Variants in TSC2 observed in about 807,000 individuals in gnomAD.
TSC2 encodes tuberin.
Under a neutral mutation model 202.2 loss-of-function variants are expected in TSC2, and 29 were observed. That is an observed-to-expected ratio of 0.14 (90% CI 0.11 to 0.20). TSC2 has a LOEUF of 0.20. TSC2 is among the 10% of genes least tolerant of loss of function. The pLI is 1.00. For synonymous variants in TSC2, 1,349 were observed against 1,044.0 expected, an observed-to-expected ratio of 1.29 and a Z score of -5.63; for missense variants, 2,429 against 2,420.0, an observed-to-expected ratio of 1.00 and a Z score of -0.08.
Position 2,070,444 on chromosome 16 carries a change from C to T in TSC2, c.1717-12C>T. The T allele has an allele frequency of 3.1e-6, 5 of 1,613,296 alleles. No homozygotes were observed. Among genetic ancestry groups the T allele is most frequent in the Middle Eastern group, 1.6e-4 (1 of 6,062 alleles). On this transcript the variant is annotated splice_polypyrimidine_tract_variant and intron_variant, in intron 16 of 41. Coordinates refer to ENST00000219476, the MANE Select transcript of TSC2 (RefSeq NM_000548.5). ...CTCCTGCGCCGTGGTGAGCTGCGTC[C>T]TCTCTCTGCAGACCAAGCTGTACAC...
intron 21 of TSC2, among the ~76,000 whole-genome samples, chr16:2,073,583 G>A (rs2088823313): frequency 1.3e-5 from 2 of 152,154 alleles, no homozygotes; most frequent in Admixed American, 1.3e-4. Flanking sequence ...GCCCTGTAGG[G>A]AGCTGTTGTT....
Position 2,086,244 on chromosome 16 carries a change from A to G in TSC2, c.4714A>G (p.Thr1572Ala), listed in dbSNP as rs1567532805. ...CAATGAGCATGGCTCCTACAGGTAC[A>G]CGGAGTTCCTGACGGGCCTGGGCCG... is the stretch of plus-strand genomic sequence containing the variant. ...LSNEHGSYRYTEFLTGLGRLI... is the reference protein window; with the variant it reads ...LSNEHGSYRYAEFLTGLGRLI... The change falls in exon 37 of 42, where the codon ACG becomes GCG. Residue 1572 changes from threonine (T) to alanine (A), a missense_variant. Coordinates refer to ENST00000219476, the MANE Select transcript of TSC2 (RefSeq NM_000548.5). 6.2e-7 allele frequency: 1 copy of G among 1,612,640 alleles called. No homozygotes were observed. Among genetic ancestry groups the G allele is most frequent in the Non-Finnish European group, 8.5e-7 (1 of 1,179,914 alleles).
At chr16:2,049,416 C>G (rs976215082) in intron 2 of TSC2, among the ~76,000 whole-genome samples, 2 of 151,892 alleles carry the variant, frequency 1.3e-5, no homozygotes, top group African/African-American at 2.4e-5. Context: ...GTGTTTGTGT[C>G]TTTGTCACAC....
chr16:2,071,228 C>G (rs1025395680), intron 17 of TSC2, among the ~76,000 whole-genome samples: 1 of 152,182 alleles, frequency 6.6e-6, no homozygotes, highest in African/African-American at 2.4e-5. Flanking sequence ...GCCAGAGGAG[C>G]GAGGCGCCCA....
rs34379884 is a variant in TSC2 at position 2,088,737 on chromosome 16, T to G, written c.*127T>G. ...AGTCAGACAGCTCTTTTATTGACTT[T>G]GTCTGCTTGGTGCGGGGGTTGGGGG... On this transcript the variant is annotated 3_prime_UTR_variant, in exon 42 of 42. Transcript: ENST00000219476. 1 of 1,321,906 alleles carries G rather than the reference T, an allele frequency of 7.6e-7. No individual in the cohort carries two copies. The highest frequency in any genetic ancestry group is 1.0e-6 in the Non-Finnish European group (1 of 969,546). 81.9% of individuals were successfully genotyped at this position (1,321,906 alleles called of 1,614,324 possible). A position where few individuals can be genotyped will look rare whatever the true frequency, so the allele number is the denominator to read the frequency against.
At chr16:2,069,308 GTTAATCAT>G (rs929718667) in intron 16 of TSC2, among the ~76,000 whole-genome samples, 1 of 152,168 alleles carries the variant, frequency 6.6e-6, no homozygotes, top group Non-Finnish European at 1.5e-5. Flanking sequence ...AGGAGAAACT[GTTAATCAT>G]TTAATCATCT....
chr16:2,063,247 G>T, intron 14 of TSC2, 194 bp downstream of exon 14: 1 of 697,814 alleles, frequency 1.4e-6, no homozygotes, highest in Non-Finnish European at 2.5e-6. Context: ...GCCTCTGCCA[G>T]GCCTTGACAC....
rs892006875 is a variant in TSC2, at chr16:2,087,492, G to C, written c.4990-371G>C. ...GATGCCAAGACAACCAGTTGGGGGG[G>C]GGGGGGCACCTGGGCGGCTGAGGAG... is the stretch of plus-strand genomic sequence containing the variant. On this transcript the variant is annotated intron_variant, in intron 38 of 41. Coordinates refer to ENST00000219476, the MANE Select transcript of TSC2 (RefSeq NM_000548.5). Among the ~76,000 whole-genome samples the C allele has an allele frequency of 7.2e-5, 11 of 151,936 alleles. 1 individual carries two copies. Among genetic ancestry groups the C allele is most frequent in the Non-Finnish European group, 1.0e-4 (7 of 67,924 alleles).
In TSC2 at chr16:2,082,429, C is replaced by G. The variant is rs1441898498; in HGVS notation, c.3815-7C>G. On this transcript the variant is annotated splice_polypyrimidine_tract_variant and splice_region_variant and intron_variant, in intron 31 of 41. Coordinates refer to ENST00000219476, the MANE Select transcript of TSC2 (RefSeq NM_000548.5). ...CTGACGTGGCCGCACACGGCCTTCC[C>G]TTGCAGTGGCCTCTTTCTCCTCCCT... is the stretch of plus-strand genomic sequence containing the variant. 2 of 1,612,430 alleles carry G rather than the reference C, an allele frequency of 1.2e-6. No homozygotes were observed. The highest frequency in any genetic ancestry group is 1.7e-6 in the Non-Finnish European group (2 of 1,180,012).
At chr16:2,085,996 C>T (rs745836327) in intron 36 of TSC2, among the ~76,000 whole-genome samples, 197 bp from the exon 37 acceptor site, 14 of 152,004 alleles carry the variant, frequency 9.2e-5, no homozygotes, top group Non-Finnish European at 8.8e-5. Flanking sequence ...CGGCCAGGCA[C>T]ACACGGGGCT....
At chr16:2,070,285 C>G (rs373606766) in intron 16 of TSC2, among the ~76,000 whole-genome samples, 171 bp from the exon 17 acceptor site, 6 of 152,212 alleles carry the variant, frequency 3.9e-5, no homozygotes, top group African/African-American at 1.2e-4. Context: ...TTGGGTTTTA[C>G]TTTTTGCTGC....
At chr16:2,059,396 G>C (rs1160647264) in intron 10 of TSC2, among the ~76,000 whole-genome samples, 1 of 141,360 alleles carries the variant, frequency 7.1e-6, no homozygotes, top group Non-Finnish European at 1.5e-5. Context: ...AGGGTGGAGT[G>C]CAATGGTGCG....
chr16:2,049,605 A>G (rs1308542791), intron 2 of TSC2, among the ~76,000 whole-genome samples: 1 of 151,646 alleles, frequency 6.6e-6, no homozygotes, highest in African/African-American at 2.4e-5. Context: ...CGGGTGGATC[A>G]CCTGAGGTCA....
chr16:2,078,781 G>C, intron 26 of TSC2: 1 of 565,078 alleles, frequency 1.8e-6, no homozygotes, highest in Non-Finnish European at 3.2e-6. Flanking sequence ...TGAGGGGGAT[G>C]TCGGTCTCTA....
intron 20 of TSC2, 55 bp downstream of exon 20, chr16:2,072,418 A>T: frequency 6.2e-7 from 1 of 1,609,072 alleles, no homozygotes; most frequent in East Asian, 2.2e-5. Context: ...TTTTCCCCAA[A>T]AGACTGCGAG....
In TSC2 at chr16:2,076,176, CT is replaced by C; in HGVS notation, c.2742+7del. ...TTGTCCCTTTCATCACTAAGGTGGGCTCAGGGCCGGTGAAGGCTGTGTCTCT... is the reference window on the plus strand; with the variant it reads ...TTGTCCCTTTCATCACTAAGGTGGGCCAGGGCCGGTGAAGGCTGTGTCTCT... On this transcript the variant is annotated splice_region_variant and intron_variant, in intron 24 of 41. Coordinates refer to ENST00000219476, the MANE Select transcript of TSC2 (RefSeq NM_000548.5). 1 of 1,613,520 alleles carries C rather than the reference CT, an allele frequency of 6.2e-7. No homozygotes were observed.
At chr16:2,071,672 C>T (rs1596343338) in intron 18 of TSC2, 56 bp downstream of exon 18, 1 of 1,607,594 alleles carries the variant, frequency 6.2e-7, no homozygotes, top group African/African-American at 1.3e-5. Context: ...GGCGCTGGGG[C>T]TGTGGTGGCG....
chr16:2,071,885 C>G lies in TSC2; in HGVS notation c.2048C>G (p.Ser683Cys), dbSNP rs919334398. 6.3e-7 allele frequency: 1 copy of G among 1,597,164 alleles called. No individual in the cohort carries two copies. Among genetic ancestry groups the G allele is most frequent in the Non-Finnish European group, 8.5e-7 (1 of 1,172,472 alleles). Residue 683 changes from serine (S) to cysteine (C), a missense_variant, in exon 19 of 42, where the codon TCC becomes TGC. By Grantham distance (112) the Ser-to-Cys change is moderately radical. Transcript: ENST00000219476. ...APAGPAVRLGSVPYSLLFRVL... is the reference protein window; with the variant it reads ...APAGPAVRLGCVPYSLLFRVL... Reference sequence around the variant, plus strand: ...GCAGGCCCCGCCGTGCGGCTGGGGTCCGTGCCCTACTCCCTGCTCTTCCGC... The same window carrying G: ...GCAGGCCCCGCCGTGCGGCTGGGGTGCGTGCCCTACTCCCTGCTCTTCCGC...
At chr16:2,087,978 AGGGCCGGGTG>A in intron 39 of TSC2, 37 bp downstream of exon 39, 1 of 1,612,610 alleles carries the variant, frequency 6.2e-7, no homozygotes, top group Non-Finnish European at 8.5e-7. Context: ...CAGGAAAGGT[AGGGCCGGGTG>A]GGGCCCTGCA....
Sources: allele counts gnomAD v4.1 joint callset (sites outside exome capture counted in the v4.1 genomes callset), GRCh38; gene constraint gnomAD v4.1.1; transcripts MANE v1.5; gene names NCBI Gene and HGNC (gene_info 2026-07-23, HGNC 2026-07-21).